Variants in ECE1 observed in about 807,000 individuals in gnomAD.
The protein encoded by ECE1 is endothelin converting enzyme 1, also known as endothelin-converting enzyme 1.
ECE1 carries 35 observed loss-of-function variants against 98.6 expected under a neutral mutation model. The observed-to-expected ratio is 0.35, with a 90% confidence interval of 0.27 to 0.47. The LOEUF is 0.47. Among genes scored for constraint, ECE1 ranks in the 20% least tolerant of loss-of-function variants. The pLI is 1.00. For synonymous variants in ECE1, 394 were observed against 407.1 expected, an observed-to-expected ratio of 0.97 and a Z score of 0.39; for missense variants, 814 against 1,025.3, an observed-to-expected ratio of 0.79 and a Z score of 2.81.
chr1:21,310,055 A>G (rs905175402), intron 1 of ECE1, among the ~76,000 whole-genome samples: 35 of 151,980 alleles, frequency 2.3e-4, no homozygotes, highest in Admixed American at 2.1e-3. Context: ...TCGGCCTCCC[A>G]AAGTGCTGGG....
intron 2 of ECE1, among the ~76,000 whole-genome samples, chr1:21,282,012 C>T (rs1486972604): frequency 6.6e-6 from 1 of 152,204 alleles, no homozygotes; most frequent in Non-Finnish European, 1.5e-5. Flanking sequence ...ATCAGCCAGG[C>T]ATGGTGGCTC....
rs1260123843 is a variant in ECE1 at position 21,307,102 on chromosome 1, C to T, written c.4-16946G>A. Reference sequence around the variant, plus strand: ...CTCCCTCGTCTCCCTGCACTCAAGACTCTCCCCTTCCTCTGGGTCCAGCAT... The same window carrying T: ...CTCCCTCGTCTCCCTGCACTCAAGATTCTCCCCTTCCTCTGGGTCCAGCAT... On this transcript the variant is annotated intron_variant, in intron 1 of 18. Transcript: ENST00000415912. This position sits in a 1 kb window ranked among gnomAD's most constrained non-coding sequence, Gnocchi z 4.2. 6.6e-6 allele frequency among the ~76,000 whole-genome samples: 1 copy of T among 152,246 alleles called. No homozygotes were observed. The highest frequency in any genetic ancestry group is 2.4e-5 in the African/African-American group (1 of 41,470).
chr1:21,225,462 C>T lies in ECE1; in HGVS notation c.1850-22G>A. The T allele has an allele frequency of 1.9e-6, 3 of 1,612,610 alleles. No homozygotes were observed. The highest frequency in any genetic ancestry group is 1.3e-5 in the African/African-American group (1 of 74,986). ...CGTCCTGTGGGTCAGAGGGAGGCGT[C>T]ATGTCAAGGGAGGGAGGGGCACAGC... On this transcript the variant is annotated intron_variant, in intron 16 of 18. Transcript: ENST00000374893. The surrounding 1 kb of genome is among the most constrained non-coding windows in gnomAD (Gnocchi z 5.3).
At chr1:21,321,149 G>T (rs930575543) in intron 1 of ECE1, among the ~76,000 whole-genome samples, 2 of 152,232 alleles carry the variant, frequency 1.3e-5, no homozygotes, top group Non-Finnish European at 2.9e-5. Context: ...CAGAGCTAGT[G>T]CGTGGCGGAG....
chr1:21,255,406 G>A (rs781550992), intron 8 of ECE1, among the ~76,000 whole-genome samples: 2 of 152,230 alleles, frequency 1.3e-5, no homozygotes, highest in South Asian at 2.1e-4. Flanking sequence ...CTTTGGCAGA[G>A]GCTGAGCCCT....
chr1:21,225,231 T>C lies in ECE1; in HGVS notation c.2040+19A>G, dbSNP rs1396028312. 1 of 1,613,548 alleles carries C rather than the reference T, an allele frequency of 6.2e-7. No individual in the cohort carries two copies. The highest frequency in any genetic ancestry group is 1.3e-5 in the African/African-American group (1 of 74,934). ...AGCCAGCACTGGGACCGTGCGCGTGTGGGGAGCGGGGCTCTCACCCGATAG... is the reference window on the plus strand; with the variant it reads ...AGCCAGCACTGGGACCGTGCGCGTGCGGGGAGCGGGGCTCTCACCCGATAG... On this transcript the variant is annotated intron_variant, in intron 17 of 18. Transcript: ENST00000374893. The surrounding 1 kb of genome is among the most constrained non-coding windows in gnomAD (Gnocchi z 5.3).
intron 11 of ECE1, among the ~76,000 whole-genome samples, 159 bp downstream of exon 11, chr1:21,237,975 G>A (rs2098190479): frequency 6.6e-6 from 1 of 152,314 alleles, no homozygotes; most frequent in Middle Eastern, 3.4e-3. Flanking sequence ...CATTACCCAG[G>A]GCTCGAGGAA....
intron 4 of ECE1, among the ~76,000 whole-genome samples, chr1:21,265,596 G>T (rs1396683144): frequency 6.6e-6 from 1 of 152,038 alleles, no homozygotes; most frequent in Non-Finnish European, 1.5e-5. Flanking sequence ...AGGTCTCTAG[G>T]ACTGTGCCAA....
chr1:21,222,886 T>C (rs1419194387), intron 17 of ECE1, among the ~76,000 whole-genome samples: 8 of 136,296 alleles, frequency 5.9e-5, no homozygotes, highest in Non-Finnish European at 9.4e-5. Context: ...TGGAAACAAA[T>C]GGAGCCAGCT....
At chr1:21,344,117 G>A (rs970955967) in intron 1 of ECE1, among the ~76,000 whole-genome samples, 5 of 152,142 alleles carry the variant, frequency 3.3e-5, no homozygotes, top group Non-Finnish European at 5.9e-5. Context: ...GGCAACTGGC[G>A]GTGCCTAAGC....
intron 7 of ECE1, 93 bp from the exon 8 acceptor site, chr1:21,256,231 C>T: frequency 7.1e-7 from 1 of 1,414,354 alleles, no homozygotes. Flanking sequence ...AAGTCCGGCA[C>T]AGGGAGCCAG....
chr1:21,291,558 G>T (rs1026607255), upstream of ECE1, among the ~76,000 whole-genome samples: 1 of 152,126 alleles, frequency 6.6e-6, no homozygotes, highest in African/African-American at 2.4e-5. Context: ...ACCATGGCTC[G>T]CTCGCGCCTG....
At chr1:21,234,690 G>C (rs1558373547) in intron 13 of ECE1, among the ~76,000 whole-genome samples, 1 of 152,126 alleles carries the variant, frequency 6.6e-6, no homozygotes, top group Non-Finnish European at 1.5e-5. Flanking sequence ...TGTTGCCCGG[G>C]CTGGTCTTAA....
At chr1:21,256,193 C>T (rs1213494357) in intron 7 of ECE1, 55 bp from the exon 8 acceptor site, 79 of 1,548,894 alleles carry the variant, frequency 5.1e-5, no homozygotes, top group Non-Finnish European at 6.5e-5. Flanking sequence ...ATCCACTGGA[C>T]GAGAGTTGGT....
chr1:21,234,294 A>G (rs2098185396), intron 13 of ECE1, among the ~76,000 whole-genome samples: 1 of 151,620 alleles, frequency 6.6e-6, no homozygotes, highest in Admixed American at 6.6e-5. Flanking sequence ...GGCCACTAAT[A>G]AGCATTTCAA....
chr1:21,316,515 C>T (rs1215001979), intron 1 of ECE1, among the ~76,000 whole-genome samples: 2 of 152,058 alleles, frequency 1.3e-5, no homozygotes, highest in Non-Finnish European at 2.9e-5. Flanking sequence ...CTCAGGTGAT[C>T]CACCCGTCTC....
intron 10 of ECE1, among the ~76,000 whole-genome samples, chr1:21,240,859 T>C (rs1263035438): frequency 6.6e-6 from 1 of 152,258 alleles, no homozygotes; most frequent in Non-Finnish European, 1.5e-5. Context: ...ATGTGTCGTC[T>C]TCTCTGGAGA....
chr1:21,217,332 C>T lies in ECE1; in HGVS notation c.*2623G>A, dbSNP rs1359011820. The T allele has an allele frequency of 6.6e-6, 1 of 152,306 alleles. No individual in the cohort carries two copies. Among genetic ancestry groups the T allele is most frequent in the Non-Finnish European group, 1.5e-5 (1 of 68,092 alleles). The allele number at this position is 152,306 out of a possible 1,614,324, so 9.4% of individuals were successfully genotyped here. On this transcript the variant is annotated 3_prime_UTR_variant, in exon 19 of 19. Coordinates refer to ENST00000374893, the MANE Select transcript of ECE1 (RefSeq NM_001397.3). Reference sequence around the variant, plus strand: ...CAAAACATAATACAAAAAATAGATTCCCAGCTCCCAACCCCACGTCCACGC... The same window carrying T: ...CAAAACATAATACAAAAAATAGATTTCCAGCTCCCAACCCCACGTCCACGC...
chr1:21,264,939 G>A (rs1558398897), intron 4 of ECE1, among the ~76,000 whole-genome samples: 2 of 152,156 alleles, frequency 1.3e-5, no homozygotes, highest in Non-Finnish European at 2.9e-5. Context: ...TCCCTTCTGA[G>A]AAAGCCCATC....
Sources: gnomAD v4.1 joint callset for allele counts (sites outside exome capture counted in the v4.1 genomes callset) on GRCh38, gnomAD v4.1.1 for gene constraint, Gnocchi (gnomAD v3.1) non-coding constraint, MANE v1.5 for transcripts, NCBI Gene and HGNC (gene_info 2026-07-23, HGNC 2026-07-21) for gene names.